The following ZDHHC11B variants were observed in gnomAD, a reference collection of about 807,000 sequenced individuals.
ZDHHC11B encodes probable palmitoyltransferase ZDHHC11B.
A neutral mutation model predicts 42.3 loss-of-function variants in ZDHHC11B; 17 were observed. The observed-to-expected ratio is 0.40, with a 90% CI of 0.27 to 0.60. ZDHHC11B has a LOEUF of 0.60. ZDHHC11B is among the 20% of genes least tolerant of loss of function. The pLI, the probability that ZDHHC11B is intolerant of heterozygous loss-of-function variation, is 0.41. For synonymous variants in ZDHHC11B, 123 were observed against 193.5 expected, an observed-to-expected ratio of 0.64 and a Z score of 3.02; for missense variants, 262 against 463.2, an observed-to-expected ratio of 0.57 and a Z score of 3.99.
At chr5:724,382 T>TC (rs1425481698) in intron 12 of ZDHHC11B, among the ~76,000 whole-genome samples, 6 of 141,104 alleles carry the variant, frequency 4.3e-5, no homozygotes, top group Non-Finnish European at 9.3e-5. Flanking sequence ...TTTTTTTTTT[T>TC]TTTTTTTTTT....
rs771789937 is a variant in ZDHHC11B, at chr5:748,653, C to T, written c.629-94G>A. 3.1e-4 allele frequency: 380 copies of T among 1,229,796 alleles called. 12 individuals carry two copies. Among genetic ancestry groups the T allele is most frequent in the Non-Finnish European group, 3.6e-4 (337 of 926,528 alleles). 76.2% of individuals were successfully genotyped at this position (1,229,796 alleles called of 1,614,324 possible). Reference sequence around the variant, plus strand: ...AGACCAGAGCTTGCTGGGGATGGGGCGGCGTGGAGACAGCCAGCACGAGGG... The same window carrying T: ...AGACCAGAGCTTGCTGGGGATGGGGTGGCGTGGAGACAGCCAGCACGAGGG... On this transcript the variant is annotated intron_variant, in intron 7 of 13. Transcript: ENST00000508859.
chr5:772,831 A>T (rs1271346881), intron 1 of ZDHHC11B, among the ~76,000 whole-genome samples: 6 of 151,770 alleles, frequency 4.0e-5, no homozygotes, highest in African/African-American at 1.5e-4. Context: ...GAGGGGTCTC[A>T]CGTGGGGACT....
chr5:770,082 G>A (rs1735874043), intron 1 of ZDHHC11B, among the ~76,000 whole-genome samples: 1 of 151,714 alleles, frequency 6.6e-6, no homozygotes, highest in Non-Finnish European at 1.5e-5. Flanking sequence ...CGTCCTGTTG[G>A]CAGCTTTGGC....
chr5:767,034 A>G, intron 3 of ZDHHC11B, 115 bp from the exon 4 acceptor site: 1 of 1,306,072 alleles, frequency 7.7e-7, no homozygotes, highest in East Asian at 2.3e-5. Context: ...CAGCACTGAC[A>G]GCCAATGGCC....
chr5:716,978 T>G, intron 12 of ZDHHC11B, 113 bp from the exon 13 acceptor site: 1 of 1,486,542 alleles, frequency 6.7e-7, no homozygotes, highest in Admixed American at 1.9e-5. Context: ...GATTAGCTTG[T>G]GACGTGGGCA....
chr5:761,801 G>A (rs1467871388), intron 4 of ZDHHC11B, among the ~76,000 whole-genome samples: 2 of 81,696 alleles, frequency 2.4e-5, no homozygotes, highest in African/African-American at 5.4e-5. Context: ...GGAAGGCCAC[G>A]GAGCAGACAG....
At position 766,720 on chromosome 5, in the gene ZDHHC11B, G is replaced by A. The variant is rs564515176; in HGVS notation, c.200C>T (p.Ser67Leu). 51 of 1,610,862 alleles carry A rather than the reference G, an allele frequency of 3.2e-5. 2 individuals are homozygous for A. Among genetic ancestry groups the A allele is most frequent in the Middle Eastern group, 1.7e-4 (1 of 6,060 alleles). Reference sequence around the variant, plus strand: ...TACCACATAGGCGATGTATTTCCACGAGTGAGGCAGGAGGGGAATGAAGAT... The same window carrying A: ...TACCACATAGGCGATGTATTTCCACAAGTGAGGCAGGAGGGGAATGAAGAT... ...FRIFIPLLPH[S>L]WKYIAYVVTG... Residue 67 changes from serine to leucine, a missense_variant, in exon 4 of 14, where the codon TCG becomes TTG. By Grantham distance (145) the Ser-to-Leu change is moderately radical. Around this residue, in one of 5 missense-constraint regions of ZDHHC11B, gnomAD observed 97 missense variants for 98.1 expected, o/e 0.99. Transcript: ENST00000508859.
intron 9 of ZDHHC11B, among the ~76,000 whole-genome samples, chr5:743,347 C>T (rs1307909978): frequency 2.7e-5 from 4 of 148,860 alleles, no homozygotes; most frequent in Non-Finnish European, 5.9e-5. Flanking sequence ...GTAAGTTCTC[C>T]AATTTTATTT....
rs2150221647 is a variant in ZDHHC11B at position 766,771 on chromosome 5, A to G, written c.149T>C (p.Val50Ala). 1.9e-6 allele frequency: 3 copies of G among 1,612,558 alleles called. No homozygotes were observed. Among genetic ancestry groups the G allele is most frequent in the Admixed American group, 1.7e-5 (1 of 59,900 alleles). The change falls in exon 4 of 14, where the codon GTT becomes GCT. Residue 50 changes from valine (V) to alanine (A), a missense_variant. Physicochemically the swap from Val to Ala is moderately conservative, Grantham distance 64 (BLOSUM62 0). This residue lies in a region of ZDHHC11B where 97 missense variants were observed against 98.1 expected (regional missense o/e 0.99). Transcript: ENST00000508859. ...YFRVVTWAVF[V>A]GLSLATFRIF... The stretch of plus-strand genomic sequence containing the variant: ...CCTGAAGGTGGCCAAGGAAAGGCCA[A>G]CGAAGACAGCCCAAGTCACCACCCG...
chr5:726,113 G>C (rs1305736558), intron 12 of ZDHHC11B, among the ~76,000 whole-genome samples: 2 of 149,802 alleles, frequency 1.3e-5, no homozygotes, highest in African/African-American at 5.0e-5. Flanking sequence ...CCATCGGTTT[G>C]TCTAATATCC....
At chr5:723,201 G>C (rs1293492336) in intron 12 of ZDHHC11B, among the ~76,000 whole-genome samples, 3 of 148,456 alleles carry the variant, frequency 2.0e-5, no homozygotes, top group Non-Finnish European at 4.5e-5. Flanking sequence ...GATCAAGGAT[G>C]AATCTGTTCC....
chr5:733,964 G>T (rs1408344613), intron 10 of ZDHHC11B, 125 bp from the exon 11 acceptor site: 1 of 837,856 alleles, frequency 1.2e-6, no homozygotes, highest in Non-Finnish European at 1.9e-6. Context: ...TCAAAAACTT[G>T]TAGACCAGCA....
At chr5:772,102 A>G in intron 1 of ZDHHC11B, among the ~76,000 whole-genome samples, 1 of 151,768 alleles carries the variant, frequency 6.6e-6, no homozygotes, top group Non-Finnish European at 1.5e-5. Context: ...ATGACACATC[A>G]GGCAGCGAGG....
At chr5:718,528 A>T (rs1741937481) in intron 12 of ZDHHC11B, among the ~76,000 whole-genome samples, 1 of 151,162 alleles carries the variant, frequency 6.6e-6, no homozygotes, top group Non-Finnish European at 1.5e-5. Flanking sequence ...AAAAATACAA[A>T]AACAAACAAA....
At chr5:749,176 C>T (rs1306751486) in intron 7 of ZDHHC11B, among the ~76,000 whole-genome samples, 4 of 128,976 alleles carry the variant, frequency 3.1e-5, no homozygotes, top group African/African-American at 1.0e-4. Context: ...TTCCTCATGG[C>T]CCACGCTGTG....
At chr5:756,686 G>A (rs1271360586) in intron 4 of ZDHHC11B, among the ~76,000 whole-genome samples, 1 of 151,680 alleles carries the variant, frequency 6.6e-6, no homozygotes, top group Non-Finnish European at 1.5e-5. Flanking sequence ...CAAAGGCCCT[G>A]GAGGAGCCTG....
At chr5:784,239 C>G (rs1432596948) in intron 1 of ZDHHC11B, among the ~76,000 whole-genome samples, 8 of 151,634 alleles carry the variant, frequency 5.3e-5, no homozygotes, top group Non-Finnish European at 7.4e-5. Context: ...CCTCCACGCC[C>G]TAATTTCCCA....
intron 1 of ZDHHC11B, among the ~76,000 whole-genome samples, chr5:769,834 G>C (rs1231842660): frequency 6.6e-6 from 1 of 151,964 alleles, no homozygotes; most frequent in Non-Finnish European, 1.5e-5. Context: ...GCTGAAGACT[G>C]AGCTCGGGAT....
At chr5:778,220 G>C (rs1443952459) in intron 1 of ZDHHC11B, among the ~76,000 whole-genome samples, 2 of 151,754 alleles carry the variant, frequency 1.3e-5, no homozygotes, top group Non-Finnish European at 2.9e-5. Context: ...GCACGACACA[G>C]GACATTCCAC....
Sources: allele counts gnomAD v4.1 joint callset (sites outside exome capture counted in the v4.1 genomes callset), GRCh38; gene constraint gnomAD v4.1.1; regional missense constraint gnomAD v4.1.1; transcripts MANE v1.5; gene names NCBI Gene and HGNC (gene_info 2026-07-23, HGNC 2026-07-21).